MTA3: variants seen among roughly 807,000 people sequenced by gnomAD.
The protein encoded by MTA3 is metastasis associated 1 family member 3.
Under a neutral mutation model 83.5 loss-of-function variants are expected in MTA3, and 34 were observed. The observed-to-expected ratio is 0.41, with a 90% CI of 0.31 to 0.54. MTA3 has a LOEUF of 0.54. MTA3 is among the 20% of genes least tolerant of loss of function. MTA3 has a pLI of 0.33. For synonymous variants in MTA3, 303 were observed against 252.7 expected (o/e 1.20, Z -1.89); for missense variants, 761 against 726.4 (o/e 1.05, Z -0.55).
intron 9 of MTA3, among the ~76,000 whole-genome samples, chr2:42,692,252 G>T (rs1055134587): frequency 6.6e-6 from 1 of 152,048 alleles, no homozygotes; most frequent in Admixed American, 6.6e-5. Flanking sequence ...CCACTATTAA[G>T]TGACTCTGAT....
intron 14 of MTA3, among the ~76,000 whole-genome samples, chr2:42,709,786 C>G (rs1666447063): frequency 6.6e-6 from 1 of 152,146 alleles, no homozygotes; most frequent in Admixed American, 6.5e-5. Flanking sequence ...GTTTGGTTTC[C>G]ATTTCATGAT....
At position 42,624,245 on chromosome 2, in the gene MTA3, A is replaced by T. The variant is rs189683466; in HGVS notation, c.317+14661A>T. On this transcript the variant is annotated intron_variant, in intron 4 of 16. Coordinates refer to ENST00000405094, the MANE Select transcript of MTA3 (RefSeq NM_001330442.2). Reference sequence around the variant, plus strand: ...ATTACTTTTATAATAAAATACAATAATTTTTAATATTATTTTTGGATTTTT... The same window carrying T: ...ATTACTTTTATAATAAAATACAATATTTTTTAATATTATTTTTGGATTTTT... 4.8e-3 allele frequency among the ~76,000 whole-genome samples: 737 copies of T among 152,118 alleles called. 5 individuals are homozygous for T. Among genetic ancestry groups the T allele is most frequent in the Non-Finnish European group, 6.5e-3 (441 of 67,976 alleles).
At chr2:42,631,689 T>G (rs952907737) in intron 4 of MTA3, among the ~76,000 whole-genome samples, 1 of 152,206 alleles carries the variant, frequency 6.6e-6, no homozygotes, top group South Asian at 2.1e-4. Flanking sequence ...TTTGTATTAT[T>G]ATTTTATTAT....
At chr2:42,513,650 A>T (rs1188893253) in intron 2 of MTA3, among the ~76,000 whole-genome samples, 2 of 152,234 alleles carry the variant, frequency 1.3e-5, no homozygotes, top group African/African-American at 4.8e-5. Flanking sequence ...TAGAACTTCC[A>T]GGACAGAGAG....
rs1682405011 is a variant in MTA3 at position 42,600,317 on chromosome 2, A to G, written c.191-9141A>G. Among the ~76,000 whole-genome samples the G allele has an allele frequency of 1.3e-5, 2 of 152,180 alleles. 1 individual carries two copies. Among genetic ancestry groups the G allele is most frequent in the South Asian group, 4.1e-4 (2 of 4,832 alleles). Reference sequence around the variant, plus strand: ...AATTTGTTAGTGAAGGGCTCCCAGAATGAAATGTACTATAGCAGATGGTTG... The same window carrying G: ...AATTTGTTAGTGAAGGGCTCCCAGAGTGAAATGTACTATAGCAGATGGTTG... On this transcript the variant is annotated intron_variant, in intron 3 of 16. Transcript: ENST00000405094.
At chr2:42,627,725 ATTTT>A (rs869227831) in intron 4 of MTA3, among the ~76,000 whole-genome samples, 4 of 103,382 alleles carry the variant, frequency 3.9e-5, no homozygotes, top group Non-Finnish European at 5.4e-5. Flanking sequence ...GCCTGGCTAA[ATTTT>A]TTTTTTTTTT....
At chr2:42,579,427 A>T (rs781487853) in intron 3 of MTA3, among the ~76,000 whole-genome samples, 11 of 66,886 alleles carry the variant, frequency 1.6e-4, no homozygotes, top group African/African-American at 3.3e-4. Flanking sequence ...ATATATATAT[A>T]TATTTTTTTT....
chr2:42,745,332 T>G (rs1056577827), intron 16 of MTA3, among the ~76,000 whole-genome samples: 4 of 152,176 alleles, frequency 2.6e-5, no homozygotes, highest in Non-Finnish European at 5.9e-5. Flanking sequence ...GGACAGCCAG[T>G]GAGCAAGACC....
intron 2 of MTA3, among the ~76,000 whole-genome samples, chr2:42,544,393 C>T (rs914566214): frequency 2.6e-5 from 4 of 151,586 alleles, no homozygotes; most frequent in African/African-American, 9.7e-5. Flanking sequence ...TTGTGGTGAG[C>T]CAAGATTGCG....
intron 12 of MTA3, 32 bp downstream of exon 12, chr2:42,704,350 C>G: frequency 6.2e-7 from 1 of 1,611,888 alleles, no homozygotes; most frequent in Non-Finnish European, 8.5e-7. Context: ...AGTTAAGCAT[C>G]GGGAACTGTT....
chr2:42,615,711 CTTTTTTT>C (rs35331224), intron 4 of MTA3, among the ~76,000 whole-genome samples: 20 of 59,804 alleles, frequency 3.3e-4, no homozygotes, highest in South Asian at 2.4e-3. Context: ...ATAATCTCTT[CTTTTTTT>C]TTTTTTTTTT....
At chr2:42,529,606 G>A (rs1314901499) in intron 2 of MTA3, among the ~76,000 whole-genome samples, 1 of 152,222 alleles carries the variant, frequency 6.6e-6, no homozygotes, top group East Asian at 1.9e-4. Flanking sequence ...TGCCTCCCAC[G>A]TGTTTTCTGT....
At chr2:42,603,084 T>C (rs35943634) in intron 3 of MTA3, among the ~76,000 whole-genome samples, 2 of 151,514 alleles carry the variant, frequency 1.3e-5, no homozygotes, top group East Asian at 3.9e-4. Flanking sequence ...CAGAACACGT[T>C]GGTAGGCACA....
rs1271094368 is a variant in MTA3 at position 42,684,753 on chromosome 2, A to T, written c.891+2164A>T. ...TACTTTTCCCTGCACCAAATGTAAT[A>T]CCTCATTCTGTGCTCTGGTGGTATT... On this transcript the variant is annotated intron_variant, in intron 9 of 16. Transcript: ENST00000405094. 7.2e-5 allele frequency among the ~76,000 whole-genome samples: 11 copies of T among 152,186 alleles called. 1 individual carries two copies. In the East Asian group the frequency reaches 2.1e-3, roughly 29 times the overall value.
upstream of MTA3, among the ~76,000 whole-genome samples, chr2:42,565,734 G>A (rs1677881328): frequency 6.6e-6 from 1 of 152,076 alleles, no homozygotes; most frequent in African/African-American, 2.4e-5. Context: ...GCTGGGCATG[G>A]TGGCTCATGC....
At chr2:42,630,196 C>T (rs535243206) in intron 4 of MTA3, among the ~76,000 whole-genome samples, 1 of 152,340 alleles carries the variant, frequency 6.6e-6, no homozygotes, top group East Asian at 1.9e-4. Context: ...AGGCTTTCGT[C>T]AGTATCTTGT....
rs765678374 is a variant in MTA3, at chr2:42,682,596, A to G, written c.891+7A>G. On this transcript the variant is annotated splice_region_variant and intron_variant, in intron 9 of 16. Coordinates refer to ENST00000405094, the MANE Select transcript of MTA3 (RefSeq NM_001330442.2). Reference sequence around the variant, plus strand: ...TGACATACGGCAAGATTTTGTAAGTAGAAAATTATGAGTAAAATAAAATGT... The same window carrying G: ...TGACATACGGCAAGATTTTGTAAGTGGAAAATTATGAGTAAAATAAAATGT... The G allele has an allele frequency of 6.2e-7, 1 of 1,602,450 alleles. No homozygotes were observed.
intron 2 of MTA3, among the ~76,000 whole-genome samples, chr2:42,536,053 G>A (rs1031479865): frequency 1.3e-5 from 2 of 151,832 alleles, no homozygotes; most frequent in African/African-American, 2.4e-5. Context: ...CTGGGAGTTC[G>A]AGGCTGCAGT....
At chr2:42,739,941 C>G (rs76673926) in intron 16 of MTA3, among the ~76,000 whole-genome samples, 2 of 152,206 alleles carry the variant, frequency 1.3e-5, no homozygotes. Flanking sequence ...TTCTAATTCT[C>G]CTGCTATGTC....
Sources: gnomAD v4.1 joint callset for allele counts (sites outside exome capture counted in the v4.1 genomes callset) on GRCh38, gnomAD v4.1.1 for gene constraint, MANE v1.5 for transcripts, NCBI Gene and HGNC (gene_info 2026-07-23, HGNC 2026-07-21) for gene names.